TRAF2: variants seen among roughly 807,000 people sequenced by gnomAD.
TRAF2 encodes TNF receptor-associated factor 2.
TRAF2 carries 6 observed loss-of-function variants against 55.6 expected under a neutral mutation model. The observed-to-expected ratio is 0.11, with a 90% confidence interval of 0.06 to 0.21. The LOEUF (loss-of-function observed/expected upper bound fraction) is 0.21. Among genes scored for constraint, TRAF2 ranks in the 10% least tolerant of loss-of-function variants. TRAF2 has a pLI of 1.00. For missense variants in TRAF2, 561 were observed against 684.5 expected (o/e 0.82, Z 2.01); for synonymous variants, 329 against 276.3 (o/e 1.19, Z -1.89).
intron 1 of TRAF2, among the ~76,000 whole-genome samples, chr9:136,897,927 C>G (rs1342456056): frequency 4.7e-5 from 6 of 126,984 alleles, no homozygotes; most frequent in East Asian, 2.4e-4. Context: ...AGTGCACTAG[C>G]CAGCCTCAGG....
Position 136,923,782 on chromosome 9 carries a change from C to T in TRAF2, c.1139-70C>T, listed in dbSNP as rs1850455915. 7 of 1,535,658 alleles carry T rather than the reference C, an allele frequency of 4.6e-6. No homozygotes were observed. The Admixed American group carries it at 1.1e-4, about 23-fold the overall frequency. Reference sequence around the variant, plus strand: ...TGTTTTTGTCCCTGGGGGAGGGCAGCCAGGCAGGAAGAGCCCTGCCCCGCC... The same window carrying T: ...TGTTTTTGTCCCTGGGGGAGGGCAGTCAGGCAGGAAGAGCCCTGCCCCGCC... On this transcript the variant is annotated intron_variant, in intron 9 of 10. Coordinates refer to ENST00000247668, the MANE Select transcript of TRAF2 (RefSeq NM_021138.4).
chr9:136,907,227 G>A (rs938430899), intron 4 of TRAF2, among the ~76,000 whole-genome samples: 7 of 152,372 alleles, frequency 4.6e-5, no homozygotes, highest in Middle Eastern at 3.4e-3. Context: ...CTGCGGCACC[G>A]GCTCCCGCTT....
chr9:136,901,767 G>GC (rs1341610931), intron 4 of TRAF2, among the ~76,000 whole-genome samples: 1 of 152,192 alleles, frequency 6.6e-6, no homozygotes, highest in Non-Finnish European at 1.5e-5. Flanking sequence ...CTCCTGCTCA[G>GC]CCGGACCCTG....
intron 6 of TRAF2, among the ~76,000 whole-genome samples, chr9:136,912,190 T>A: frequency 9.5e-6 from 1 of 105,632 alleles, no homozygotes; most frequent in Non-Finnish European, 1.8e-5. Context: ...GGAGACAGAG[T>A]CTCACTCTGT....
At chr9:136,904,773 T>TAAACCAGAATAGTTGCTTCATAA (rs1554780096) in intron 4 of TRAF2, among the ~76,000 whole-genome samples, 1 of 16,418 alleles carries the variant, frequency 6.1e-5, no homozygotes, top group Admixed American at 3.4e-4. Flanking sequence ...TTAGGTTTCA[T>TAAACCAGAATAGTTGCTTCATAA]AAGCCAGAAT....
At chr9:136,911,954 A>T (rs1388212869) in intron 6 of TRAF2, among the ~76,000 whole-genome samples, 1 of 135,698 alleles carries the variant, frequency 7.4e-6, no homozygotes, top group Non-Finnish European at 1.5e-5. Flanking sequence ...GGTTCACGCC[A>T]TTCTCCTGCC....
intron 6 of TRAF2, 165 bp downstream of exon 6, chr9:136,910,159 G>A (rs1253551889): frequency 1.2e-5 from 9 of 733,648 alleles, no homozygotes; most frequent in Non-Finnish European, 1.8e-5. Flanking sequence ...GGTGGCGGCC[G>A]CTCTCCTGAG....
chr9:136,897,804 G>A (rs1588423440), intron 1 of TRAF2, among the ~76,000 whole-genome samples: 2 of 118,714 alleles, frequency 1.7e-5, no homozygotes, highest in Admixed American at 9.3e-5. Context: ...GCTACGTTCC[G>A]CTCTCGGGGC....
upstream of TRAF2, among the ~76,000 whole-genome samples, chr9:136,882,974 G>A (rs534391495): frequency 3.3e-5 from 5 of 152,318 alleles, no homozygotes; most frequent in South Asian, 6.2e-4. Flanking sequence ...AGGTTCAAGC[G>A]ATTTTCCTGC....
In TRAF2 at chr9:136,908,210, C is replaced by T; in HGVS notation, c.507C>T (p.Pro169=). ...RSLSCRHCRA[P]CCGADVKAHH... The stretch of plus-strand genomic sequence containing the variant: ...TGAGCTGCCGGCATTGCCGGGCACC[C>T]TGCTGCGGAGCAGACGTGAAGGTGC... Residue 169 remains proline (P), a synonymous_variant, in exon 5 of 11, where the codon CCC becomes CCT. Transcript: ENST00000247668. The T allele has an allele frequency of 6.3e-7, 1 of 1,595,396 alleles. No individual in the cohort carries two copies. The highest frequency in any genetic ancestry group is 8.5e-7 in the Non-Finnish European group (1 of 1,177,862).
intron 4 of TRAF2, among the ~76,000 whole-genome samples, chr9:136,904,533 G>C (rs1849901188): frequency 1.3e-5 from 2 of 152,114 alleles, no homozygotes; most frequent in African/African-American, 4.8e-5. Context: ...AGCCTCCCGA[G>C]TAGCTAGGAC....
chr9:136,902,763 C>T (rs1437262529), intron 4 of TRAF2, among the ~76,000 whole-genome samples: 1 of 152,202 alleles, frequency 6.6e-6, no homozygotes, highest in Non-Finnish European at 1.5e-5. Context: ...GGGAGCCGCT[C>T]TGCCCCTCGG....
At chr9:136,901,497 A>T in intron 4 of TRAF2, among the ~76,000 whole-genome samples, 1 of 152,228 alleles carries the variant, frequency 6.6e-6, no homozygotes, top group Non-Finnish European at 1.5e-5. Context: ...GCTGAGTGAC[A>T]TGAGCCAGTT....
chr9:136,918,021 C>T (rs1850281340), intron 7 of TRAF2, among the ~76,000 whole-genome samples: 1 of 151,948 alleles, frequency 6.6e-6, no homozygotes, highest in Non-Finnish European at 1.5e-5. Context: ...GGCACACCCA[C>T]CCCAGGCTCA....
At chr9:136,913,326 GTC>G (rs1325210674) in intron 6 of TRAF2, among the ~76,000 whole-genome samples, 2 of 93,068 alleles carry the variant, frequency 2.1e-5, no homozygotes, top group African/African-American at 4.7e-5. Flanking sequence ...TTGAGATGGA[GTC>G]TCTCTGCCGC....
At chr9:136,883,801 G>A (rs1473334054), upstream of TRAF2, among the ~76,000 whole-genome samples, 2 of 149,474 alleles carry the variant, frequency 1.3e-5, no homozygotes, top group Non-Finnish European at 3.0e-5. Context: ...ACAAACATGA[G>A]CCACTGTGCC....
At chr9:136,909,238 C>CTAGTCGCTAGG (rs1294066257) in intron 5 of TRAF2, among the ~76,000 whole-genome samples, 1 of 10,940 alleles carries the variant, frequency 9.1e-5, no homozygotes, top group East Asian at 6.9e-3. Context: ...GTGAGAATAG[C>CTAGTCGCTAGG]GCCATGTCTG....
intron 6 of TRAF2, among the ~76,000 whole-genome samples, chr9:136,912,484 A>G (rs1850139074): frequency 2.0e-5 from 3 of 152,020 alleles, no homozygotes; most frequent in South Asian, 2.1e-4. Context: ...TTAGTGTTGC[A>G]AATCTTGGTT....
intron 3 of TRAF2, 36 bp downstream of exon 3, chr9:136,899,708 A>T (rs776697616): frequency 6.3e-7 from 1 of 1,593,758 alleles, no homozygotes. Flanking sequence ...AATGTTGAAC[A>T]GAAAATGTCT....
Sources: allele counts gnomAD v4.1 joint callset (sites outside exome capture counted in the v4.1 genomes callset), GRCh38; gene constraint gnomAD v4.1.1; transcripts MANE v1.5; gene names NCBI Gene and HGNC (gene_info 2026-07-23, HGNC 2026-07-21).